SNX4: variants seen among roughly 807,000 people sequenced by gnomAD.
SNX4 encodes the protein sorting nexin 4.
SNX4 carries 49 observed loss-of-function variants against 70.8 expected under a neutral mutation model. That is an observed-to-expected ratio of 0.69 (90% CI 0.55 to 0.88). The LOEUF is 0.88. Among genes scored for constraint, SNX4 ranks in the 40% least tolerant of loss-of-function variants. The probability of loss-of-function intolerance (pLI) is 0.00; values close to 1 mark genes in which losing one functional copy is unlikely to be tolerated. For missense variants in SNX4, 528 were observed against 544.8 expected, an observed-to-expected ratio of 0.97 and a Z score of 0.31; for synonymous variants, 206 against 183.8, an observed-to-expected ratio of 1.12 and a Z score of -0.98.
intron 1 of SNX4, among the ~76,000 whole-genome samples, chr3:125,510,022 T>G (rs941571246): frequency 2.0e-5 from 3 of 152,118 alleles, no homozygotes; most frequent in Non-Finnish European, 4.4e-5. Context: ...TGTAAAATGG[T>G]GCAGCTGCTG....
At chr3:125,509,377 G>C (rs1368907444) in intron 1 of SNX4, among the ~76,000 whole-genome samples, 1 of 148,872 alleles carries the variant, frequency 6.7e-6, no homozygotes. Context: ...AGAGTAAAAA[G>C]GCAACCCAAA....
At chr3:125,457,828 C>T (rs562864604) in intron 10 of SNX4, among the ~76,000 whole-genome samples, 46 of 152,074 alleles carry the variant, frequency 3.0e-4, no homozygotes, top group Non-Finnish European at 5.4e-4. Context: ...CCACCCACTT[C>T]GGCCTCCCAA....
intron 6 of SNX4, among the ~76,000 whole-genome samples, chr3:125,489,003 C>A (rs145143191): frequency 2.4e-3 from 368 of 152,190 alleles, no homozygotes; most frequent in African/African-American, 8.5e-3. Context: ...TTGTCATATA[C>A]CTTCGTGAAA....
intron 5 of SNX4, among the ~76,000 whole-genome samples, chr3:125,492,227 G>A (rs1934678614): frequency 6.6e-6 from 1 of 150,388 alleles, no homozygotes; most frequent in Admixed American, 6.6e-5. Context: ...TTATCTTCCC[G>A]CACACATTAC....
At chr3:125,504,220 C>G (rs148231265) in intron 2 of SNX4, among the ~76,000 whole-genome samples, 2,555 of 151,828 alleles carry the variant, frequency 0.017, 25 homozygotes, top group Non-Finnish European at 0.027. Flanking sequence ...GTAATCCCAG[C>G]TACTTGGGAG....
At chr3:125,502,287 T>C (rs546706439) in intron 2 of SNX4, among the ~76,000 whole-genome samples, 1 of 152,226 alleles carries the variant, frequency 6.6e-6, no homozygotes, top group East Asian at 1.9e-4. Context: ...TGACCTAAGT[T>C]TGAAAAGAAC....
intron 5 of SNX4, among the ~76,000 whole-genome samples, chr3:125,495,213 C>T (rs1934756652): frequency 1.5e-5 from 2 of 129,440 alleles, no homozygotes; most frequent in Admixed American, 1.7e-4. Context: ...AACATATGAC[C>T]TCCAGATAAG....
intron 10 of SNX4, among the ~76,000 whole-genome samples, chr3:125,457,847 G>T (rs1354732525): frequency 6.6e-6 from 1 of 151,954 alleles, no homozygotes; most frequent in Admixed American, 6.6e-5. Flanking sequence ...AAAGTACTGG[G>T]ATTACAGGCA....
intron 1 of SNX4, among the ~76,000 whole-genome samples, chr3:125,513,941 G>C (rs1038488185): frequency 1.3e-5 from 2 of 152,156 alleles, no homozygotes; most frequent in African/African-American, 4.8e-5. Flanking sequence ...AGAGATCAAG[G>C]AACTGGCAGA....
Position 125,446,902 on chromosome 3 carries a change from G to GC in SNX4, c.*876dup, listed in dbSNP as rs964351931. The GC allele has an allele frequency of 3.3e-4, 50 of 152,430 alleles. No individual in the cohort carries two copies. The highest frequency in any genetic ancestry group is 1.2e-3 in the African/African-American group (49 of 41,386). 9.4% of individuals were successfully genotyped at this position (152,430 alleles called of 1,614,324 possible). A position where few individuals can be genotyped will look rare whatever the true frequency, so the allele number is the denominator to read the frequency against. ...TTATCTTTACAAAAATTACAGCCAAGCAATAGAAAAGAAGGATGTTAATGA... is the reference window on the plus strand; with the variant it reads ...TTATCTTTACAAAAATTACAGCCAAGCCAATAGAAAAGAAGGATGTTAATGA... On this transcript the variant is annotated 3_prime_UTR_variant, in exon 14 of 14. Transcript: ENST00000251775.
At chr3:125,481,500 G>A (rs1040021367) in intron 6 of SNX4, among the ~76,000 whole-genome samples, 5 of 149,314 alleles carry the variant, frequency 3.3e-5, no homozygotes, top group African/African-American at 1.2e-4. Context: ...CCAGACTGGA[G>A]TGCAATGGCG....
chr3:125,465,509 A>G (rs1933988888), intron 9 of SNX4, among the ~76,000 whole-genome samples: 1 of 152,124 alleles, frequency 6.6e-6, no homozygotes, highest in African/African-American at 2.4e-5. Flanking sequence ...TCAGCCTCCC[A>G]AAGTGCTGGG....
chr3:125,515,778 T>A (rs1044101122), intron 1 of SNX4, among the ~76,000 whole-genome samples: 1 of 151,934 alleles, frequency 6.6e-6, no homozygotes, highest in Non-Finnish European at 1.5e-5. Flanking sequence ...CTGGGTGCTG[T>A]GGCTCACTCT....
chr3:125,507,177 C>T (rs1176645588), intron 1 of SNX4, among the ~76,000 whole-genome samples: 2 of 140,670 alleles, frequency 1.4e-5, no homozygotes, highest in Non-Finnish European at 3.0e-5. Context: ...CACTGCACTC[C>T]AGCCTGGGTG....
intron 1 of SNX4, among the ~76,000 whole-genome samples, chr3:125,513,931 A>T (rs923342314): frequency 6.6e-6 from 1 of 152,218 alleles, no homozygotes; most frequent in African/African-American, 2.4e-5. Context: ...CTGGGAAGTC[A>T]GAGATCAAGG....
intron 11 of SNX4, among the ~76,000 whole-genome samples, chr3:125,456,316 C>A (rs1933713548): frequency 6.6e-6 from 1 of 152,122 alleles, no homozygotes; most frequent in Non-Finnish European, 1.5e-5. Flanking sequence ...AAGTACCTTG[C>A]AAAGTTAAAC....
intron 9 of SNX4, among the ~76,000 whole-genome samples, chr3:125,465,391 G>A (rs1221845105): frequency 5.3e-5 from 8 of 150,792 alleles, no homozygotes; most frequent in East Asian, 2.0e-4. Context: ...GATTACAAGC[G>A]CCTGCCACCA....
intron 2 of SNX4, among the ~76,000 whole-genome samples, chr3:125,503,922 T>C (rs750081077): frequency 2.2e-4 from 34 of 152,160 alleles, no homozygotes; most frequent in Non-Finnish European, 4.7e-4. Context: ...CAGGGCTGGA[T>C]GCAGTGGCTC....
At chr3:125,504,528 C>T (rs1935005936) in intron 2 of SNX4, 95 bp downstream of exon 2, 1 of 1,211,358 alleles carries the variant, frequency 8.3e-7, no homozygotes, top group Non-Finnish European at 1.2e-6. Flanking sequence ...AAAAAAATAA[C>T]CTTTAAAAAA....
Sources: gnomAD v4.1 joint callset for allele counts (sites outside exome capture counted in the v4.1 genomes callset) on GRCh38, gnomAD v4.1.1 for gene constraint, MANE v1.5 for transcripts, NCBI Gene and HGNC (gene_info 2026-07-23, HGNC 2026-07-21) for gene names.